The following FILIP1L variants were observed in gnomAD, a reference collection of about 807,000 sequenced individuals.
The protein encoded by FILIP1L is filamin A-interacting protein 1-like.
In FILIP1L, 55 loss-of-function variants were observed where a neutral mutation model predicts 96.6. The ratio of observed to expected loss-of-function variants is 0.57; its 90% CI spans 0.46 to 0.71. The LOEUF is 0.71. Ranked by LOEUF, FILIP1L falls within the 30% of genes least tolerant of loss-of-function variation. FILIP1L has a pLI of 0.00. For missense variants in FILIP1L, 1,304 were observed against 1,321.2 expected, an observed-to-expected ratio of 0.99 and a Z score of 0.20; for synonymous variants, 467 against 473.9, an observed-to-expected ratio of 0.99 and a Z score of 0.19.
chr3:100,060,004 G>T (rs911881651), intron 1 of FILIP1L, among the ~76,000 whole-genome samples: 1 of 151,530 alleles, frequency 6.6e-6, no homozygotes, highest in South Asian at 2.1e-4. Context: ...ATGACTAGGG[G>T]TGGCACAGGC....
Position 99,924,229 on chromosome 3 carries a change from C to T in FILIP1L, c.605+1G>A. 1 of 1,612,276 alleles carries T rather than the reference C, an allele frequency of 6.2e-7. No homozygotes were observed. Among genetic ancestry groups the T allele is most frequent in the Non-Finnish European group, 8.5e-7 (1 of 1,179,172 alleles). On this transcript the variant is annotated splice_donor_variant, in intron 4 of 5. Coordinates refer to ENST00000477258, the MANE Select transcript of FILIP1L (RefSeq NM_001387850.1). LOFTEE classifies it high-confidence loss of function. ...ACATTGTTTGCCCAAAGCAGCCTTA[C>T]CTTTCACATTCCTGTTCTAGTAGGC...
intron 1 of FILIP1L, among the ~76,000 whole-genome samples, chr3:99,960,464 G>A (rs1488627122): frequency 6.6e-6 from 1 of 152,170 alleles, no homozygotes; most frequent in African/African-American, 2.4e-5. Context: ...AAAAATCAAA[G>A]ATTTTGAACA....
intron 1 of FILIP1L, among the ~76,000 whole-genome samples, chr3:99,996,114 C>T (rs558958054): frequency 6.6e-6 from 1 of 152,250 alleles, no homozygotes; most frequent in South Asian, 2.1e-4. Flanking sequence ...GCTCTGCTTC[C>T]CTTACAAAAC....
chr3:100,025,163 A>G (rs1415242580), intron 1 of FILIP1L, among the ~76,000 whole-genome samples: 2 of 152,166 alleles, frequency 1.3e-5, no homozygotes, highest in East Asian at 3.8e-4. Context: ...TAGCTAAAAG[A>G]GAGAAAGGCT....
chr3:99,866,128 G>C (rs897535522), intron 4 of FILIP1L, among the ~76,000 whole-genome samples: 3 of 150,698 alleles, frequency 2.0e-5, no homozygotes, highest in Admixed American at 6.6e-5. Context: ...TCCTTTTCCA[G>C]AACTTATTCT....
intron 4 of FILIP1L, among the ~76,000 whole-genome samples, chr3:99,864,675 C>G (rs1457570155): frequency 6.6e-6 from 1 of 152,036 alleles, no homozygotes; most frequent in African/African-American, 2.4e-5. Flanking sequence ...CTCCCTGACC[C>G]CTTCTACTGT....
At position 100,091,813 on chromosome 3, in the gene FILIP1L, G is replaced by A. The variant is rs149231154; in HGVS notation, c.-11+22240C>T. Among the ~76,000 whole-genome samples the A allele has an allele frequency of 7.3e-3, 1,112 of 152,208 alleles. 18 individuals are homozygous for A. The highest frequency in any genetic ancestry group is 0.024 in the African/African-American group (1,015 of 41,520). On this transcript the variant is annotated intron_variant, in intron 1 of 5. Coordinates refer to ENST00000477258, the MANE Select transcript of FILIP1L (RefSeq NM_001387850.1). Reference sequence around the variant, plus strand: ...CTTAAGACAGGATTATTTGCTCAGCGTCTCCTCTCGTGATTCACAGGTACA... The same window carrying A: ...CTTAAGACAGGATTATTTGCTCAGCATCTCCTCTCGTGATTCACAGGTACA...
chr3:99,836,666 A>G (rs1459594715), intron 5 of FILIP1L, among the ~76,000 whole-genome samples: 1 of 152,190 alleles, frequency 6.6e-6, no homozygotes, highest in Non-Finnish European at 1.5e-5. Flanking sequence ...AGGCCACTCT[A>G]TCTTAATGAT....
chr3:99,846,274 T>C (rs1188333613), intron 5 of FILIP1L, among the ~76,000 whole-genome samples: 1 of 152,236 alleles, frequency 6.6e-6, no homozygotes, highest in Non-Finnish European at 1.5e-5. Flanking sequence ...GTGTTTTGTT[T>C]ATGCCATTAT....
chr3:99,936,999 G>C (rs547002976), intron 1 of FILIP1L, among the ~76,000 whole-genome samples: 1 of 151,860 alleles, frequency 6.6e-6, no homozygotes, highest in Non-Finnish European at 1.5e-5. Flanking sequence ...GTGCAGTGGC[G>C]TGATCTCGGG....
At chr3:99,896,684 A>G (rs1371626332) in intron 4 of FILIP1L, among the ~76,000 whole-genome samples, 5 of 152,216 alleles carry the variant, frequency 3.3e-5, no homozygotes, top group Admixed American at 2.0e-4. Context: ...TTATAATTCT[A>G]CAATGATAGT....
intron 1 of FILIP1L, among the ~76,000 whole-genome samples, chr3:99,959,601 G>A (rs569943922): frequency 1.1e-4 from 17 of 152,244 alleles, no homozygotes; most frequent in Middle Eastern, 3.4e-3. Flanking sequence ...TTCTTTAGCA[G>A]TCTGATAAAT....
chr3:99,833,685 C>T (rs2107489695), intron 5 of FILIP1L, among the ~76,000 whole-genome samples: 1 of 152,332 alleles, frequency 6.6e-6, no homozygotes, highest in Non-Finnish European at 1.5e-5. Flanking sequence ...AGTGTTTTCT[C>T]AGGAGCGGTC....
chr3:99,839,159 C>T lies in FILIP1L; in HGVS notation c.3382-8554G>A, dbSNP rs574191756. Among the ~76,000 whole-genome samples, 6 of 152,248 alleles carry T rather than the reference C, an allele frequency of 3.9e-5. No homozygotes were observed. The East Asian group carries it at 1.2e-3, about 29-fold the overall frequency. ...TCTCATCTGTTTCTGAAGCCTGATCCCCAAATCCCACCTGAAAGTAACCTG... is the reference window on the plus strand; with the variant it reads ...TCTCATCTGTTTCTGAAGCCTGATCTCCAAATCCCACCTGAAAGTAACCTG... On this transcript the variant is annotated intron_variant, in intron 5 of 5. Transcript: ENST00000477258.
At chr3:100,014,811 T>TG (rs1176765532) in intron 1 of FILIP1L, among the ~76,000 whole-genome samples, 1 of 150,674 alleles carries the variant, frequency 6.6e-6, no homozygotes, top group African/African-American at 2.4e-5. Flanking sequence ...CTATTGATTT[T>TG]TTTTTTTTTT....
chr3:100,004,203 C>T (rs1034612964), intron 1 of FILIP1L, among the ~76,000 whole-genome samples: 1 of 152,086 alleles, frequency 6.6e-6, no homozygotes, highest in Admixed American at 6.5e-5. Context: ...CTCCAAGAAA[C>T]CTAAACTCCA....
Position 99,980,122 on chromosome 3 carries a change from G to A in FILIP1L, c.-10-49092C>T, listed in dbSNP as rs148516526. ...AAGCCTAATTCAGGCAGTACAGTAC[G>A]GACTATATAGTGAGACATGCAGTAG... On this transcript the variant is annotated intron_variant, in intron 1 of 5. Coordinates refer to ENST00000477258, the MANE Select transcript of FILIP1L (RefSeq NM_001387850.1). Among the ~76,000 whole-genome samples the A allele has an allele frequency of 6.8e-3, 1,029 of 152,186 alleles. 3 individuals carry two copies. Among genetic ancestry groups the A allele is most frequent in the African/African-American group, 8.5e-3 (352 of 41,524 alleles).
chr3:100,060,837 G>A (rs921270205), intron 1 of FILIP1L, among the ~76,000 whole-genome samples: 2 of 152,102 alleles, frequency 1.3e-5, no homozygotes, highest in African/African-American at 4.8e-5. Flanking sequence ...ACTCCATCCT[G>A]GGCAATAGAG....
At chr3:99,977,170 C>T (rs1018132141) in intron 1 of FILIP1L, among the ~76,000 whole-genome samples, 13 of 152,154 alleles carry the variant, frequency 8.5e-5, no homozygotes, top group Admixed American at 7.9e-4. Context: ...TACACAGTTC[C>T]CTTGTAAGAG....
Sources: gnomAD v4.1 joint callset for allele counts (sites outside exome capture counted in the v4.1 genomes callset) on GRCh38, gnomAD v4.1.1 for gene constraint, MANE v1.5 for transcripts, NCBI Gene and HGNC (gene_info 2026-07-23, HGNC 2026-07-21) for gene names.